The following DDAH1 variants were observed in gnomAD, a reference collection of about 807,000 sequenced individuals.
DDAH1 encodes the protein N(G),N(G)-dimethylarginine dimethylaminohydrolase 1.
In DDAH1, 19 loss-of-function variants were observed where a neutral mutation model predicts 28.8. The ratio of observed to expected loss-of-function variants is 0.66; its 90% CI spans 0.46 to 0.97. The LOEUF is 0.97. Ranked by LOEUF, DDAH1 falls within the 50% of genes least tolerant of loss-of-function variation. The pLI is 0.00. For synonymous variants in DDAH1, 153 were observed against 154.4 expected (o/e 0.99, Z 0.07); for missense variants, 326 against 375.9 (o/e 0.87, Z 1.10).
rs1429552739 is a variant in DDAH1, at chr1:85,400,201, T to C, written c.304-41354A>G. ...TCTTTTTTTTTTTTTTTTTTTTTTT[T>C]TTTTTTTGAGACGGAGTCTCAATCT... On this transcript the variant is annotated intron_variant, in intron 1 of 5. Transcript: ENST00000284031. 7.9e-5 allele frequency among the ~76,000 whole-genome samples: 8 copies of C among 100,686 alleles called. 1 individual carries two copies. The highest frequency in any genetic ancestry group is 1.2e-4 in the African/African-American group (3 of 25,360). The allele number at this position is 100,686 out of a possible 152,430, so 66.1% of individuals were successfully genotyped here. A position where few individuals can be genotyped will look rare whatever the true frequency, so the allele number is the denominator to read the frequency against.
At chr1:85,323,193 T>A (rs1042573176) in intron 5 of DDAH1, among the ~76,000 whole-genome samples, 8 of 152,262 alleles carry the variant, frequency 5.3e-5, no homozygotes, top group African/African-American at 1.9e-4. Context: ...ATATTGCATA[T>A]TTAAAAGGTA....
At chr1:85,507,292 C>G (rs1364941599) in intron 1 of DDAH1, among the ~76,000 whole-genome samples, 1 of 152,064 alleles carries the variant, frequency 6.6e-6, no homozygotes, top group Non-Finnish European at 1.5e-5. Context: ...TGCTTCAGCC[C>G]AGGAGCTTGA....
chr1:85,570,117 T>G (rs1349081312), intron 1 of DDAH1, among the ~76,000 whole-genome samples: 1 of 152,120 alleles, frequency 6.6e-6, no homozygotes, highest in African/African-American at 2.4e-5. Context: ...ATATTATTAT[T>G]TCTGTTTTAC....
chr1:85,505,878 A>ACCC (rs1656997690), intron 1 of DDAH1, among the ~76,000 whole-genome samples: 1 of 152,228 alleles, frequency 6.6e-6, no homozygotes, highest in African/African-American at 2.4e-5. Context: ...CTTTTTTAAT[A>ACCC]CATTTTAAAC....
At chr1:85,368,477 C>T (rs1204354059) in intron 1 of DDAH1, among the ~76,000 whole-genome samples, 1 of 152,176 alleles carries the variant, frequency 6.6e-6, no homozygotes, top group Non-Finnish European at 1.5e-5. Context: ...CTGGAAGTGA[C>T]ATTTAGCTTT....
intron 1 of DDAH1, among the ~76,000 whole-genome samples, chr1:85,452,037 C>A (rs754233932): frequency 4.6e-5 from 7 of 152,102 alleles, no homozygotes; most frequent in Non-Finnish European, 7.3e-5. Context: ...CTGGGAAGAG[C>A]CTGAGACTTT....
chr1:85,368,720 T>C (rs945163136), intron 1 of DDAH1, among the ~76,000 whole-genome samples: 1 of 152,146 alleles, frequency 6.6e-6, no homozygotes, highest in Non-Finnish European at 1.5e-5. Flanking sequence ...TTTAGTAGGC[T>C]AAAAACCAGG....
intron 2 of DDAH1, among the ~76,000 whole-genome samples, chr1:85,481,840 C>G (rs1228033468): frequency 6.6e-6 from 1 of 152,236 alleles, no homozygotes; most frequent in African/African-American, 2.4e-5. Flanking sequence ...ATTGACTCTT[C>G]TCTCCTCATC....
At chr1:85,424,844 CTT>C (rs1171740074) in intron 1 of DDAH1, among the ~76,000 whole-genome samples, 1 of 151,722 alleles carries the variant, frequency 6.6e-6, no homozygotes, top group Non-Finnish European at 1.5e-5. Context: ...AGAAAATGAC[CTT>C]TGGCTTTCCT....
Position 85,465,140 on chromosome 1 carries a change from T to G in DDAH1, c.-95A>C. 1 of 1,164,400 alleles carries G rather than the reference T, an allele frequency of 8.6e-7. No individual in the cohort carries two copies. Among genetic ancestry groups the G allele is most frequent in the Non-Finnish European group, 1.1e-6 (1 of 945,438 alleles). 72.1% of individuals were successfully genotyped at this position (1,164,400 alleles called of 1,614,324 possible). ...GAGCCTGCGAGCGCCCGTCGGCTCCTCTTGGCAGCCGCTGAATGTGGTGCA... is the reference window on the plus strand; with the variant it reads ...GAGCCTGCGAGCGCCCGTCGGCTCCGCTTGGCAGCCGCTGAATGTGGTGCA... On this transcript the variant is annotated 5_prime_UTR_variant, in exon 1 of 6. Transcript: ENST00000284031.
intron 1 of DDAH1, among the ~76,000 whole-genome samples, chr1:85,386,860 C>T (rs1351716615): frequency 1.3e-5 from 2 of 152,202 alleles, no homozygotes; most frequent in African/African-American, 4.8e-5. Flanking sequence ...CTCCATCACC[C>T]TTGCATTCTG....
chr1:85,445,314 AT>A (rs1246697971), intron 1 of DDAH1, among the ~76,000 whole-genome samples: 1 of 152,120 alleles, frequency 6.6e-6, no homozygotes, highest in Non-Finnish European at 1.5e-5. Context: ...GAGGAGGGGC[AT>A]CTGAACTAGG....
intron 1 of DDAH1, among the ~76,000 whole-genome samples, chr1:85,435,015 T>A (rs1653869881): frequency 6.6e-6 from 1 of 152,176 alleles, no homozygotes; most frequent in Non-Finnish European, 1.5e-5. Context: ...AGTTTTACTA[T>A]TTTCCTTGTG....
chr1:85,554,276 G>GTTTTTTTTTTTTTTTT (rs368410411), intron 1 of DDAH1, among the ~76,000 whole-genome samples: 2 of 110,726 alleles, frequency 1.8e-5, no homozygotes, highest in African/African-American at 7.2e-5. Context: ...AATTGTAAGA[G>GTTTTTTTTTTTTTTTT]TTTTTTTTTT....
intron 1 of DDAH1, among the ~76,000 whole-genome samples, chr1:85,428,015 T>C (rs989057104): frequency 2.6e-5 from 4 of 152,186 alleles, no homozygotes; most frequent in Non-Finnish European, 4.4e-5. Flanking sequence ...TTATTGGTTA[T>C]AGAAGGGAAG....
chr1:85,450,865 G>A (rs1654642736), intron 1 of DDAH1, among the ~76,000 whole-genome samples: 1 of 152,196 alleles, frequency 6.6e-6, no homozygotes, highest in Non-Finnish European at 1.5e-5. Context: ...TATATGACTA[G>A]TTCAAGATCA....
chr1:85,521,681 T>G (rs1657696311), intron 1 of DDAH1: 1 of 984,034 alleles, frequency 1.0e-6, no homozygotes, highest in Admixed American at 6.2e-5. Flanking sequence ...GCAAATTCCT[T>G]CTCCTCCAGC....
exon 2 of DDAH1, chr1:85,496,170 T>A (rs967384723): frequency 1.1e-6 from 1 of 945,328 alleles, no homozygotes; most frequent in African/African-American, 1.8e-5. Context: ...ACTTACCTAA[T>A]ATAAATTTAG....
At chr1:85,577,522 C>T (rs975089692) in intron 1 of DDAH1, among the ~76,000 whole-genome samples, 38 of 152,294 alleles carry the variant, frequency 2.5e-4, no homozygotes, top group Admixed American at 2.0e-3. Context: ...TCGTCCAGGG[C>T]AGTGGTGCTC....
Sources: gnomAD v4.1 joint callset for allele counts (sites outside exome capture counted in the v4.1 genomes callset) on GRCh38, gnomAD v4.1.1 for gene constraint, MANE v1.5 for transcripts, NCBI Gene and HGNC (gene_info 2026-07-23, HGNC 2026-07-21) for gene names.